The following CDC45 variants were observed in gnomAD, a reference collection of about 807,000 sequenced individuals.
The protein encoded by CDC45 is cell division control protein 45 homolog.
A neutral mutation model predicts 77.8 loss-of-function variants in CDC45; 54 were observed. The ratio of observed to expected loss-of-function variants is 0.69; its 90% CI spans 0.56 to 0.87. The LOEUF is 0.87. Ranked by LOEUF, CDC45 falls within the 40% of genes least tolerant of loss-of-function variation. CDC45 has a pLI of 0.00. For missense variants in CDC45, 649 were observed against 721.6 expected (o/e 0.90, Z 1.15); for synonymous variants, 260 against 272.1 (o/e 0.96, Z 0.44).
intron 18 of CDC45, 108 bp downstream of exon 18, chr22:19,519,017 C>A: frequency 3.5e-6 from 3 of 852,228 alleles, no homozygotes; most frequent in South Asian, 1.4e-5. Flanking sequence ...GGGTTTCAGA[C>A]CGAAGCAGGG....
intron 12 of CDC45, 89 bp downstream of exon 12, chr22:19,507,953 G>A (rs1933293352): frequency 9.7e-6 from 9 of 926,084 alleles, no homozygotes; most frequent in Non-Finnish European, 1.5e-5. Context: ...CTAAAATAAT[G>A]CAAAAAAAAC....
In CDC45 at chr22:19,482,440, C is replaced by T. The variant is rs113253959; in HGVS notation, c.205-250C>T. Reference sequence around the variant, plus strand: ...CTCATTAGTTTCTTGAGCCTGTCCACGAGACTTGGGCTTGCTGAGTCTCAG... The same window carrying T: ...CTCATTAGTTTCTTGAGCCTGTCCATGAGACTTGGGCTTGCTGAGTCTCAG... On this transcript the variant is annotated intron_variant, in intron 3 of 18. Coordinates refer to ENST00000263201, the MANE Select transcript of CDC45 (RefSeq NM_003504.5). Among the ~76,000 whole-genome samples the T allele has an allele frequency of 4.0e-4, 61 of 152,360 alleles. 1 individual carries two copies. Among genetic ancestry groups the T allele is most frequent in the African/African-American group, 1.4e-3 (59 of 41,596 alleles).
At chr22:19,516,723 A>G in intron 16 of CDC45, 78 bp downstream of exon 16, 1 of 1,090,410 alleles carries the variant, frequency 9.2e-7, no homozygotes, top group South Asian at 1.2e-5. Flanking sequence ...TGCTGAGTAG[A>G]GTGGTATTTG....
chr22:19,515,448 T>C (rs930791614), intron 15 of CDC45, among the ~76,000 whole-genome samples: 4 of 152,212 alleles, frequency 2.6e-5, no homozygotes, highest in Non-Finnish European at 4.4e-5. Context: ...CCTCTTTGCG[T>C]TGGCGTGGAA....
rs13447287 is a variant in CDC45 at position 19,518,601 on chromosome 22, T to C, written c.1637-243T>C. Among the ~76,000 whole-genome samples the C allele has an allele frequency of 8.4e-3, 1,272 of 152,260 alleles. 30 individuals carry two copies. The highest frequency in any genetic ancestry group is 0.075 in the East Asian group (390 of 5,168). ...GGGCCCTTCCCTGTGTCACCTCTAT[T>C]GTCTTCCCGGGGGGGAGTTCTCCCT... On this transcript the variant is annotated intron_variant, in intron 17 of 18. Coordinates refer to ENST00000263201, the MANE Select transcript of CDC45 (RefSeq NM_003504.5).
intron 17 of CDC45, 135 bp downstream of exon 17, chr22:19,517,028 G>A (rs1933838070): frequency 2.8e-6 from 2 of 722,778 alleles, no homozygotes; most frequent in East Asian, 5.4e-5. Context: ...ATCTGGCCCT[G>A]GGACAGGCTA....
Position 19,491,433 on chromosome 22 carries a change from ATTT to A in CDC45, c.487-2883_487-2881del, listed in dbSNP as rs77377103. Among the ~76,000 whole-genome samples the A allele has an allele frequency of 8.5e-3, 1,217 of 143,148 alleles. 15 individuals are homozygous for A. The highest frequency in any genetic ancestry group is 0.029 in the African/African-American group (1,152 of 39,192). 93.9% of individuals were successfully genotyped at this position (143,148 alleles called of 152,430 possible). The stretch of plus-strand genomic sequence containing the variant: ...GTTTTCCATCTTTGAGAATTTCTTG[ATTT>A]TTTTTTTTTTATTCCTAAAAGGTAC... On this transcript the variant is annotated intron_variant, in intron 5 of 18. Coordinates refer to ENST00000263201, the MANE Select transcript of CDC45 (RefSeq NM_003504.5).
At chr22:19,495,422 A>G (rs2090224342) in intron 6 of CDC45, among the ~76,000 whole-genome samples, 1 of 152,236 alleles carries the variant, frequency 6.6e-6, no homozygotes, top group South Asian at 2.1e-4. Context: ...TTATGGGACA[A>G]TTTCTCTGAA....
intron 13 of CDC45, among the ~76,000 whole-genome samples, chr22:19,512,210 C>T (rs1410173920): frequency 2.0e-5 from 3 of 152,186 alleles, no homozygotes; most frequent in Non-Finnish European, 4.4e-5. Flanking sequence ...TTGCTCATTA[C>T]CAGGACTCCT....
chr22:19,493,265 T>TTGTTC (rs2146363219), intron 5 of CDC45, among the ~76,000 whole-genome samples: 1 of 152,046 alleles, frequency 6.6e-6, no homozygotes, highest in South Asian at 2.1e-4. Context: ...TTGTTTTGTT[T>TTGTTC]TGTTGTCTGC....
intron 5 of CDC45, among the ~76,000 whole-genome samples, chr22:19,489,991 C>T (rs547851875): frequency 6.6e-6 from 1 of 152,150 alleles, no homozygotes; most frequent in Non-Finnish European, 1.5e-5. Context: ...TTGTGGTGTC[C>T]TTTTGGTGGA....
At chr22:19,495,934 C>T in intron 6 of CDC45, 47 bp from the exon 7 acceptor site, 2 of 1,381,530 alleles carry the variant, frequency 1.4e-6, no homozygotes, top group Non-Finnish European at 2.1e-6. Context: ...ATTTGGCTTC[C>T]TGTACTGCTA....
intron 13 of CDC45, among the ~76,000 whole-genome samples, chr22:19,511,845 A>G (rs558323448): frequency 2.4e-4 from 37 of 151,552 alleles, no homozygotes; most frequent in African/African-American, 8.7e-4. Context: ...AAGGTCATGA[A>G]GATTTCACAT....
intron 13 of CDC45, among the ~76,000 whole-genome samples, chr22:19,511,398 A>T: frequency 7.0e-6 from 1 of 143,714 alleles, no homozygotes; most frequent in Non-Finnish European, 1.5e-5. Flanking sequence ...TGGTGCAGTC[A>T]TGGCTCACTG....
intron 5 of CDC45, among the ~76,000 whole-genome samples, chr22:19,488,765 C>CA (rs2090111685): frequency 6.6e-6 from 1 of 152,122 alleles, no homozygotes; most frequent in Admixed American, 6.6e-5. Flanking sequence ...CCATTACCCG[C>CA]AAAAAGTTTC....
At chr22:19,512,063 A>G (rs144617370) in intron 13 of CDC45, among the ~76,000 whole-genome samples, 6 of 151,420 alleles carry the variant, frequency 4.0e-5, no homozygotes, top group African/African-American at 1.5e-4. Flanking sequence ...TAATTTTTGT[A>G]TTTTTTGTAG....
intron 3 of CDC45, 68 bp from the exon 4 acceptor site, chr22:19,482,622 A>G (rs2090000812): frequency 6.6e-7 from 1 of 1,524,176 alleles, no homozygotes; most frequent in Non-Finnish European, 9.0e-7. Flanking sequence ...AACAACTCAG[A>G]GGCTTAGTGA....
intron 2 of CDC45, 85 bp downstream of exon 2, chr22:19,480,302 G>C: frequency 8.0e-7 from 1 of 1,253,894 alleles, no homozygotes; most frequent in South Asian, 1.2e-5. Flanking sequence ...AGAGTGTCAG[G>C]ATGGGTGCTG....
At chr22:19,491,881 C>G (rs1479425404) in intron 5 of CDC45, among the ~76,000 whole-genome samples, 4 of 151,590 alleles carry the variant, frequency 2.6e-5, no homozygotes, top group Non-Finnish European at 5.9e-5. Flanking sequence ...GGCTGGAGGA[C>G]CTGCAACCTC....
Sources: allele counts gnomAD v4.1 joint callset (sites outside exome capture counted in the v4.1 genomes callset), GRCh38; gene constraint gnomAD v4.1.1; transcripts MANE v1.5; gene names NCBI Gene and HGNC (gene_info 2026-07-23, HGNC 2026-07-21).